The following LAMA3 variants were observed in gnomAD, a reference collection of about 807,000 sequenced individuals.
The protein encoded by LAMA3 is laminin subunit alpha 3, also known as laminin subunit alpha-3.
In LAMA3, 281 loss-of-function variants were observed where a neutral mutation model predicts 402.0. That is an observed-to-expected ratio of 0.70 (90% CI 0.63 to 0.77). The LOEUF (loss-of-function observed/expected upper bound fraction) is 0.77. Ranked by LOEUF, LAMA3 falls within the 30% of genes least tolerant of loss-of-function variation. LAMA3 has a pLI of 0.00. For synonymous variants in LAMA3, 1,431 were observed against 1,558.4 expected (o/e 0.92, Z 1.93); for missense variants, 3,840 against 4,215.5 (o/e 0.91, Z 2.47).
At chr18:23,891,981 G>A (rs1383804813) in intron 42 of LAMA3, among the ~76,000 whole-genome samples, 1 of 152,256 alleles carries the variant, frequency 6.6e-6, no homozygotes, top group Admixed American at 6.5e-5. Context: ...GACCAGGGCA[G>A]TGAAAGGAAG....
rs2143923865 is a variant in LAMA3 at position 23,777,554 on chromosome 18, C to T, written c.1406-3C>T. On this transcript the variant is annotated splice_polypyrimidine_tract_variant and splice_region_variant and intron_variant, in intron 10 of 74. Coordinates refer to ENST00000313654, the MANE Select transcript of LAMA3 (RefSeq NM_198129.4). ...TGTATTTTTTAATAAACTATTTTTA[C>T]AGGAATTCCCATTTTTCCTGTTTCT... 1 of 1,594,628 alleles carries T rather than the reference C, an allele frequency of 6.3e-7. No homozygotes were observed. The highest frequency in any genetic ancestry group is 8.6e-7 in the Non-Finnish European group (1 of 1,162,224).
chr18:23,723,804 C>T (rs1359902024), intron 2 of LAMA3, among the ~76,000 whole-genome samples: 1 of 152,038 alleles, frequency 6.6e-6, no homozygotes, highest in African/African-American at 2.4e-5. Context: ...TCAGATAATA[C>T]AGAAAAAGCT....
intron 1 of LAMA3, among the ~76,000 whole-genome samples, chr18:23,705,484 CAT>C (rs1376916419): frequency 6.6e-6 from 1 of 151,258 alleles, no homozygotes; most frequent in African/African-American, 2.4e-5. Context: ...CACACACAGA[CAT>C]ATATGCATAT....
intron 55 of LAMA3, among the ~76,000 whole-genome samples, 199 bp from the exon 56 acceptor site, chr18:23,912,512 C>T (rs1237637367): frequency 1.3e-5 from 2 of 152,102 alleles, no homozygotes; most frequent in Non-Finnish European, 2.9e-5. Context: ...TGACACAGCT[C>T]CGGAAACAGC....
intron 8 of LAMA3, among the ~76,000 whole-genome samples, chr18:23,764,200 A>G (rs2062030570): frequency 6.6e-6 from 1 of 152,184 alleles, no homozygotes; most frequent in Non-Finnish European, 1.5e-5. Flanking sequence ...AACCAGGGCT[A>G]CATACCCATA....
chr18:23,939,592 C>T lies in LAMA3; in HGVS notation c.9026+206C>T, dbSNP rs542557708. On this transcript the variant is annotated intron_variant, in intron 68 of 74. Transcript: ENST00000313654. ...TCCCAACAGCTGGAGGCAAACGTGA[C>T]GACAGTGTACTTCTCAGAGGCTGAA... is the stretch of plus-strand genomic sequence containing the variant. Among the ~76,000 whole-genome samples, 5 of 152,310 alleles carry T rather than the reference C, an allele frequency of 3.3e-5. No homozygotes were observed. In the South Asian group the frequency reaches 8.3e-4, roughly 25 times the overall value.
At chr18:23,882,795 G>A (rs1042789110) in intron 40 of LAMA3, among the ~76,000 whole-genome samples, 2 of 152,166 alleles carry the variant, frequency 1.3e-5, no homozygotes, top group African/African-American at 4.8e-5. Flanking sequence ...GAAGACAGAG[G>A]CAGTCCCTGT....
Position 23,919,242 on chromosome 18 carries a change from C to T in LAMA3, c.7924-1693C>T, listed in dbSNP as rs547323097. 7.9e-5 allele frequency among the ~76,000 whole-genome samples: 12 copies of T among 152,280 alleles called. No individual in the cohort carries two copies. The East Asian group carries it at 2.3e-3, about 29-fold the overall frequency. The stretch of plus-strand genomic sequence containing the variant: ...AGGATCCAGATAAGGACTGATTTTC[C>T]TCTTAGAAAAGAACTCGGTCCCTGG... On this transcript the variant is annotated intron_variant, in intron 60 of 74. Coordinates refer to ENST00000313654, the MANE Select transcript of LAMA3 (RefSeq NM_198129.4).
In LAMA3 at chr18:23,928,735, C is replaced by T; in HGVS notation, c.8406C>T (p.Pro2802=). The part of the protein sequence containing the change: ...QASFGFQTFQ[P]SGILLDHQTW... ...CATTTGGATTTCAGACCTTTCAACC[C>T]AGTGGCATATTATTAGATCATCAGA... The change falls in exon 64 of 75, where the codon CCC becomes CCT. Residue 2802 remains proline (P), a synonymous_variant. Coordinates refer to ENST00000313654, the MANE Select transcript of LAMA3 (RefSeq NM_198129.4). 1 of 1,614,008 alleles carries T rather than the reference C, an allele frequency of 6.2e-7. No individual in the cohort carries two copies. The highest frequency in any genetic ancestry group is 8.5e-7 in the Non-Finnish European group (1 of 1,179,852).
intron 5 of LAMA3, among the ~76,000 whole-genome samples, chr18:23,751,711 A>T (rs2061755863): frequency 6.6e-6 from 1 of 152,202 alleles, no homozygotes; most frequent in South Asian, 2.1e-4. Context: ...GGTATTGGTG[A>T]GCACTAGTAC....
chr18:23,905,560 C>T lies in LAMA3; in HGVS notation c.6654C>T (p.Thr2218=). ...IKEDLPRKAK[T]LSSNSDKLLN... ...AAGATCTGCCAAGAAAAGCTAAAAC[C>T]CTGAGTTCCAACAGTGATAAACTGT... Residue 2218 remains threonine, a synonymous_variant, in exon 52 of 75, where the codon ACC becomes ACT. Transcript: ENST00000313654. The T allele has an allele frequency of 6.2e-7, 1 of 1,611,884 alleles. No homozygotes were observed. Among genetic ancestry groups the T allele is most frequent in the Non-Finnish European group, 8.5e-7 (1 of 1,178,486 alleles).
rs1323957124 is a variant in LAMA3 at position 23,827,295 on chromosome 18, G to T, written c.2670-19G>T. On this transcript the variant is annotated intron_variant, in intron 22 of 74. Coordinates refer to ENST00000313654, the MANE Select transcript of LAMA3 (RefSeq NM_198129.4). ...CTCAGTTGTAACTATTGATTCCATT[G>T]TTGTTGCTGTTGTTGAAGTTGCTTA... 13 of 1,613,828 alleles carry T rather than the reference G, an allele frequency of 8.1e-6. No homozygotes were observed. The highest frequency in any genetic ancestry group is 1.1e-5 in the Non-Finnish European group (13 of 1,179,752).
At chr18:23,882,649 C>T (rs2064939839) in intron 40 of LAMA3, among the ~76,000 whole-genome samples, 1 of 151,892 alleles carries the variant, frequency 6.6e-6, no homozygotes, top group South Asian at 2.1e-4. Flanking sequence ...AACCGTCTTT[C>T]CAAGTTGTAT....
intron 8 of LAMA3, among the ~76,000 whole-genome samples, chr18:23,764,129 G>A (rs185400552): frequency 6.6e-6 from 1 of 152,142 alleles, no homozygotes; most frequent in East Asian, 1.9e-4. Flanking sequence ...TGTTCTTTTA[G>A]GTGTTTTGTT....
intron 31 of LAMA3, among the ~76,000 whole-genome samples, chr18:23,846,980 C>T (rs780744685): frequency 3.7e-4 from 56 of 152,118 alleles, no homozygotes; most frequent in African/African-American, 1.2e-3. Flanking sequence ...TCTTGTGGTC[C>T]GAGGGGTAGG....
At chr18:23,829,693 G>T (rs1196741134) in intron 23 of LAMA3, among the ~76,000 whole-genome samples, 2 of 152,122 alleles carry the variant, frequency 1.3e-5, no homozygotes, top group Non-Finnish European at 2.9e-5. Context: ...TAACATAGTG[G>T]TGAAGTCTGG....
At chr18:23,744,974 T>C (rs1473249233) in intron 2 of LAMA3, among the ~76,000 whole-genome samples, 1 of 151,256 alleles carries the variant, frequency 6.6e-6, no homozygotes, top group African/African-American at 2.4e-5. Flanking sequence ...AATAATACAA[T>C]GGGGATTATT....
intron 32 of LAMA3, among the ~76,000 whole-genome samples, chr18:23,851,901 C>T (rs1303300831): frequency 1.3e-5 from 2 of 152,162 alleles, no homozygotes; most frequent in African/African-American, 4.8e-5. Flanking sequence ...AATACTGATC[C>T]TATCTCTGAA....
rs1163559565 is a variant in LAMA3, at chr18:23,824,466, G to A, written c.2472G>A (p.Glu824=). 1.2e-6 allele frequency: 2 copies of A among 1,614,146 alleles called. No homozygotes were observed. Among genetic ancestry groups the A allele is most frequent in the East Asian group, 4.5e-5 (2 of 44,892 alleles). The part of the protein sequence containing the change: ...SKEIIFLPSK[E]PAFVTVPGNG... The stretch of plus-strand genomic sequence containing the variant: ...AGATCATCTTCCTGCCGAGTAAGGA[G>A]CCAGCCTTTGTCACTGTCCCTGGAA... Residue 824 remains glutamate (E), a synonymous_variant, in exon 21 of 75, where the codon GAG becomes GAA. Coordinates refer to ENST00000313654, the MANE Select transcript of LAMA3 (RefSeq NM_198129.4).
Sources: allele counts gnomAD v4.1 joint callset (sites outside exome capture counted in the v4.1 genomes callset), GRCh38; gene constraint gnomAD v4.1.1; transcripts MANE v1.5; gene names NCBI Gene and HGNC (gene_info 2026-07-23, HGNC 2026-07-21).